The following PRR33 variants were observed in gnomAD, a reference collection of about 807,000 sequenced individuals.
PRR33 encodes the protein proline rich 33, also known as proline-rich protein 33.
In PRR33, 1 loss-of-function variant was observed where a neutral mutation model predicts 0.5. The ratio of observed to expected loss-of-function variants is 2.18; its 90% CI spans 0.77 to 10.34. PRR33 has a LOEUF of 10.34. Among genes scored for constraint, PRR33 ranks in the 30% most tolerant of loss-of-function variants. PRR33 has a pLI of 0.13. For synonymous variants in PRR33, 226 were observed against 110.0 expected, an observed-to-expected ratio of 2.06 and a Z score of -6.60; for missense variants, 552 against 251.8, an observed-to-expected ratio of 2.19 and a Z score of -8.07.
the PRR33 span, among the ~76,000 whole-genome samples, chr11:1,916,245 G>A: frequency 5.3e-5 from 8 of 152,068 alleles, no homozygotes; most frequent in African/African-American, 7.2e-5. Context: ...AAGTCCCTTC[G>A]AGGAGCAGCA....
the PRR33 span, among the ~76,000 whole-genome samples, chr11:1,916,906 G>A: frequency 6.6e-6 from 1 of 152,184 alleles, no homozygotes; most frequent in Non-Finnish European, 1.5e-5. Flanking sequence ...AGCCTAAGAG[G>A]CCCCTGGCCA....
chr11:1,910,772 C>T, the PRR33 span, among the ~76,000 whole-genome samples: 1 of 152,174 alleles, frequency 6.6e-6, no homozygotes, highest in Non-Finnish European at 1.5e-5. Context: ...TGAACTTTTC[C>T]TTCTCCAGAC....
the PRR33 span, among the ~76,000 whole-genome samples, chr11:1,904,801 G>A: frequency 1.3e-5 from 2 of 151,388 alleles, no homozygotes; most frequent in Non-Finnish European, 2.9e-5. Flanking sequence ...GAGCCACTGC[G>A]CCCAGCCTCT....
chr11:1,899,623 C>T, the PRR33 span, among the ~76,000 whole-genome samples: 2 of 152,164 alleles, frequency 1.3e-5, no homozygotes, highest in Non-Finnish European at 2.9e-5. Flanking sequence ...GACGGCCATC[C>T]ACCTGCAACA....
the PRR33 span, among the ~76,000 whole-genome samples, chr11:1,909,175 C>T: frequency 1.3e-5 from 2 of 151,868 alleles, no homozygotes; most frequent in Non-Finnish European, 2.9e-5. Context: ...TGAGACTAGC[C>T]TGGGCAACAC....
chr11:1,902,141 A>C, the PRR33 span, among the ~76,000 whole-genome samples: 5 of 151,750 alleles, frequency 3.3e-5, no homozygotes, highest in Non-Finnish European at 7.4e-5. Flanking sequence ...CTGAGGCAGG[A>C]GAATGGTCTG....
exon 1 of PRR33, chr11:1,891,329 G>A (rs558191963): frequency 1.3e-5 from 2 of 152,374 alleles, no homozygotes; most frequent in South Asian, 4.1e-4. Context: ...TTTGGGGAAG[G>A]AGGGAGTCCT....
the PRR33 span, chr11:1,902,598 T>A: frequency 6.6e-6 from 1 of 152,154 alleles, no homozygotes. Context: ...AGGGTGTTGC[T>A]CTGTCACCCA....
the PRR33 span, among the ~76,000 whole-genome samples, chr11:1,915,550 G>T: frequency 9.4e-6 from 1 of 106,380 alleles, no homozygotes; most frequent in Admixed American, 1.1e-4. Context: ...TGTGTGTTGT[G>T]GGGGGTGATG....
exon 1 of PRR33, chr11:1,890,935 C>A: frequency 4.2e-6 from 1 of 239,330 alleles, no homozygotes; most frequent in Non-Finnish European, 8.2e-6. Context: ...ACCGTGTGGG[C>A]TGGGGTGGGA....
At chr11:1,913,682 T>C in the PRR33 span, among the ~76,000 whole-genome samples, 2 of 152,260 alleles carry the variant, frequency 1.3e-5, no homozygotes, top group Non-Finnish European at 2.9e-5. Context: ...GGCAGACAGT[T>C]GGCTGGGGCA....
chr11:1,908,122 G>A, the PRR33 span, among the ~76,000 whole-genome samples: 23 of 152,204 alleles, frequency 1.5e-4, no homozygotes, highest in Non-Finnish European at 8.8e-5. Context: ...TCCTCAGCCT[G>A]CTGTGAGAGT....
At chr11:1,913,301 GTTTTT>G in the PRR33 span, among the ~76,000 whole-genome samples, 5 of 98,472 alleles carry the variant, frequency 5.1e-5, no homozygotes, top group African/African-American at 2.0e-4. Flanking sequence ...TAACTTTTTT[GTTTTT>G]TTTTTTTTGT....
chr11:1,915,548 G>T, the PRR33 span, among the ~76,000 whole-genome samples: 6 of 100,332 alleles, frequency 6.0e-5, no homozygotes, highest in South Asian at 3.6e-4. Context: ...TGTGTGTGTT[G>T]TGGGGGGTGA....
the PRR33 span, among the ~76,000 whole-genome samples, chr11:1,898,576 A>G: frequency 3.9e-5 from 6 of 152,038 alleles, no homozygotes; most frequent in Admixed American, 6.6e-5. Flanking sequence ...ACTCCAAACC[A>G]TGGAAAAAGA....
upstream of PRR33, among the ~76,000 whole-genome samples, chr11:1,896,681 A>T (rs1256903747): frequency 6.6e-6 from 1 of 152,162 alleles, no homozygotes; most frequent in Non-Finnish European, 1.5e-5. Flanking sequence ...TCAATGTTGG[A>T]CGGAGGTGAT....
At chr11:1,914,126 G>A in the PRR33 span, among the ~76,000 whole-genome samples, 3 of 152,270 alleles carry the variant, frequency 2.0e-5, no homozygotes, top group Non-Finnish European at 2.9e-5. Flanking sequence ...CTGGTTGGGC[G>A]CAGCGTAGCT....
At chr11:1,905,218 C>T in the PRR33 span, among the ~76,000 whole-genome samples, 1 of 148,400 alleles carries the variant, frequency 6.7e-6, no homozygotes, top group Non-Finnish European at 1.5e-5. Context: ...CGTCTGTCTC[C>T]CAGGTTCAAG....
chr11:1,908,524 C>G, the PRR33 span, among the ~76,000 whole-genome samples: 9 of 151,962 alleles, frequency 5.9e-5, no homozygotes, highest in Non-Finnish European at 1.2e-4. Flanking sequence ...TCAAGAGGAC[C>G]GTCGCTAAGT....
Sources: allele counts gnomAD v4.1 joint callset (sites outside exome capture counted in the v4.1 genomes callset), GRCh38; gene constraint gnomAD v4.1.1; transcripts MANE v1.5; gene names NCBI Gene and HGNC (gene_info 2026-07-23, HGNC 2026-07-21).